PDE4B: variants seen among roughly 807,000 people sequenced by gnomAD.
PDE4B encodes the protein 3',5'-cyclic-AMP phosphodiesterase 4B.
A neutral mutation model predicts 82.2 loss-of-function variants in PDE4B; 20 were observed. That is an observed-to-expected ratio of 0.24 (90% CI 0.17 to 0.35). The LOEUF is 0.35. PDE4B is among the 10% of genes least tolerant of loss of function. The pLI is 1.00. For synonymous variants in PDE4B, 320 were observed against 318.9 expected, an observed-to-expected ratio of 1.00 and a Z score of -0.04; for missense variants, 655 against 907.2, an observed-to-expected ratio of 0.72 and a Z score of 3.57.
intron 1 of PDE4B, among the ~76,000 whole-genome samples, chr1:65,880,259 C>G (rs1646694361): frequency 6.6e-6 from 1 of 152,188 alleles, no homozygotes; most frequent in Non-Finnish European, 1.5e-5. Context: ...AGAATTTAGA[C>G]AAGGGTGATT....
intron 3 of PDE4B, among the ~76,000 whole-genome samples, chr1:66,122,036 C>T (rs111410658): frequency 3.3e-5 from 5 of 152,028 alleles, no homozygotes; most frequent in Non-Finnish European, 7.4e-5. Context: ...CTTTCTCCCT[C>T]ACTGCTTCCT....
chr1:66,240,124 G>A (rs1041188436), intron 3 of PDE4B, among the ~76,000 whole-genome samples: 2 of 152,166 alleles, frequency 1.3e-5, no homozygotes, highest in African/African-American at 4.8e-5. Flanking sequence ...TAACTTTTAG[G>A]GGTTGATTAG....
At chr1:66,105,823 C>T (rs1390039263) in intron 3 of PDE4B, among the ~76,000 whole-genome samples, 2 of 151,906 alleles carry the variant, frequency 1.3e-5, no homozygotes, top group African/African-American at 4.8e-5. Context: ...TGCTTATCAG[C>T]TTAAGGAGAT....
At chr1:66,352,576 T>A (rs1661919700) in intron 8 of PDE4B, among the ~76,000 whole-genome samples, 2 of 152,216 alleles carry the variant, frequency 1.3e-5, no homozygotes, top group Admixed American at 6.5e-5. Flanking sequence ...TGAGCAGAGT[T>A]GCCGATATAG....
At chr1:65,930,485 G>T (rs954373100) in intron 3 of PDE4B, among the ~76,000 whole-genome samples, 2 of 152,230 alleles carry the variant, frequency 1.3e-5, no homozygotes, top group Non-Finnish European at 2.9e-5. Flanking sequence ...CAGCATTGGG[G>T]GGTCGAGCCC....
At chr1:65,900,938 C>T (rs1646965009) in intron 1 of PDE4B, among the ~76,000 whole-genome samples, 1 of 151,994 alleles carries the variant, frequency 6.6e-6, no homozygotes, top group African/African-American at 2.4e-5. Context: ...ATTTGGATAA[C>T]TTTTATTTCT....
intron 1 of PDE4B, among the ~76,000 whole-genome samples, chr1:65,817,784 A>T (rs2101225551): frequency 6.6e-6 from 1 of 152,312 alleles, no homozygotes; most frequent in East Asian, 1.9e-4. Flanking sequence ...ATGTATAATA[A>T]TTTATAATCT....
intron 3 of PDE4B, among the ~76,000 whole-genome samples, chr1:65,925,435 A>G (rs1213949511): frequency 6.6e-6 from 1 of 152,202 alleles, no homozygotes; most frequent in Non-Finnish European, 1.5e-5. Context: ...AAAATTTCAC[A>G]AATTGGACAC....
intron 3 of PDE4B, among the ~76,000 whole-genome samples, chr1:66,191,889 T>C (rs1369614197): frequency 2.0e-5 from 3 of 152,046 alleles, no homozygotes. Flanking sequence ...TCAGATCTTG[T>C]GAGACTTATT....
chr1:66,264,706 A>G (rs1476901691), intron 6 of PDE4B, among the ~76,000 whole-genome samples: 2 of 152,172 alleles, frequency 1.3e-5, no homozygotes, highest in East Asian at 1.9e-4. Context: ...GATTGTCCCT[A>G]AAGGACCAGA....
chr1:66,026,999 G>T (rs367562601), intron 3 of PDE4B, among the ~76,000 whole-genome samples: 1 of 152,150 alleles, frequency 6.6e-6, no homozygotes, highest in Admixed American at 6.5e-5. Context: ...CTATTAGTTT[G>T]TGCCAGTGTT....
chr1:66,303,706 A>G (rs2101845149), intron 7 of PDE4B, among the ~76,000 whole-genome samples: 1 of 152,256 alleles, frequency 6.6e-6, no homozygotes, highest in Admixed American at 6.6e-5. Context: ...TTGAGAGAGT[A>G]CTAGAAGTGT....
intron 3 of PDE4B, among the ~76,000 whole-genome samples, chr1:66,009,907 A>ATCTG (rs149210683): frequency 1.3e-5 from 1 of 75,476 alleles, no homozygotes; most frequent in African/African-American, 3.7e-5. Context: ...CTGTATCTTT[A>ATCTG]TCTATCTATC....
At chr1:66,072,074 C>T (rs1033352285) in intron 3 of PDE4B, among the ~76,000 whole-genome samples, 5 of 152,046 alleles carry the variant, frequency 3.3e-5, no homozygotes, top group African/African-American at 1.2e-4. Context: ...TCTTAATCTA[C>T]CCCTAAGCCA....
intron 3 of PDE4B, among the ~76,000 whole-genome samples, chr1:66,181,497 C>T (rs561782562): frequency 2.6e-4 from 40 of 152,248 alleles, no homozygotes; most frequent in African/African-American, 8.9e-4. Context: ...AATGGGATAA[C>T]ATAATGAGCT....
chr1:65,817,310 A>G (rs1474743318), intron 1 of PDE4B, among the ~76,000 whole-genome samples: 1 of 152,184 alleles, frequency 6.6e-6, no homozygotes, highest in Non-Finnish European at 1.5e-5. Flanking sequence ...AGGGAACCCA[A>G]GTGTAGCTTT....
At chr1:65,913,196 C>G (rs1647116563) in intron 1 of PDE4B, 49 bp from the exon 2 acceptor site, 1 of 730,624 alleles carries the variant, frequency 1.4e-6, no homozygotes, top group Non-Finnish European at 2.3e-6. Context: ...ACATATTTTT[C>G]TTTAAGGATA....
At chr1:66,011,627 C>T (rs1326116549) in intron 3 of PDE4B, among the ~76,000 whole-genome samples, 3 of 151,990 alleles carry the variant, frequency 2.0e-5, no homozygotes, top group Non-Finnish European at 4.4e-5. Context: ...ATTCATATTG[C>T]AAAATAATTG....
At chr1:66,346,453 C>T (rs778873591) in intron 8 of PDE4B, among the ~76,000 whole-genome samples, 10 of 152,128 alleles carry the variant, frequency 6.6e-5, no homozygotes, top group Non-Finnish European at 1.0e-4. Context: ...TCTTTTTTTA[C>T]GGTTTAACTT....
Sources: allele counts gnomAD v4.1 joint callset (sites outside exome capture counted in the v4.1 genomes callset), GRCh38; gene constraint gnomAD v4.1.1; transcripts MANE v1.5; gene names NCBI Gene and HGNC (gene_info 2026-07-23, HGNC 2026-07-21).